Variants in CACNA1G observed in about 807,000 individuals in gnomAD.
The protein encoded by CACNA1G is voltage-dependent T-type calcium channel subunit alpha-1G.
A neutral mutation model predicts 219.4 loss-of-function variants in CACNA1G; 67 were observed. The ratio of observed to expected loss-of-function variants is 0.31; its 90% CI spans 0.25 to 0.37. The LOEUF is 0.37. Ranked by LOEUF, CACNA1G falls within the 10% of genes least tolerant of loss-of-function variation. The pLI is 1.00. For missense variants in CACNA1G, 2,380 were observed against 3,231.4 expected, an observed-to-expected ratio of 0.74 and a Z score of 6.39; for synonymous variants, 1,296 against 1,345.3, an observed-to-expected ratio of 0.96 and a Z score of 0.80.
intron 16 of CACNA1G, among the ~76,000 whole-genome samples, chr17:50,597,308 G>C (rs1442150377): frequency 6.6e-6 from 1 of 152,012 alleles, no homozygotes; most frequent in Non-Finnish European, 1.5e-5. Flanking sequence ...ACACTACTCC[G>C]AAGCATTCTA....
In CACNA1G at chr17:50,610,092, A is replaced by G. The variant is rs1384193494; in HGVS notation, c.4759+157A>G. Among the ~76,000 whole-genome samples, 3 of 152,198 alleles carry G rather than the reference A, an allele frequency of 2.0e-5. No homozygotes were observed. The East Asian group carries it at 5.8e-4, about 29-fold the overall frequency. ...AGCGCTGGGCTCTGCAGCATCCCGC[A>G]GGCCTGCGCCAAACTGGACGGGAGG... On this transcript the variant is annotated intron_variant, in intron 26 of 37. Coordinates refer to ENST00000359106, the MANE Select transcript of CACNA1G (RefSeq NM_018896.5).
Position 50,618,387 on chromosome 17 carries a change from C to A in CACNA1G, c.5427+44C>A. 6.3e-7 allele frequency: 1 copy of A among 1,599,980 alleles called. No homozygotes were observed. The highest frequency in any genetic ancestry group is 8.5e-7 in the Non-Finnish European group (1 of 1,170,414). ...CCTAGGCTCCAGGGAGGCAGCCCCA[C>A]TTCCTGAGCTAGGATTCCTTGGGAA... is the stretch of plus-strand genomic sequence containing the variant. On this transcript the variant is annotated intron_variant, in intron 32 of 37. Transcript: ENST00000359106. This position sits in a 1 kb window ranked among gnomAD's most constrained non-coding sequence, Gnocchi z 5.3.
At position 50,626,383 on chromosome 17, in the gene CACNA1G, C is replaced by T. The variant is rs935847447; in HGVS notation, c.6766C>T (p.Arg2256Cys). Residue 2256 changes from arginine to cysteine, a missense_variant, in exon 38 of 38, where the codon CGC (arginine) becomes TGC (cysteine). Coordinates refer to ENST00000359106, the MANE Select transcript of CACNA1G (RefSeq NM_018896.5). This position sits in a 1 kb window ranked among gnomAD's most constrained non-coding sequence, Gnocchi z 4.3. ...CYSVEAQSCQRRPTSWLDEQR... is the reference protein window; with the variant it reads ...CYSVEAQSCQCRPTSWLDEQR... ...CAGCGTGGAGGCCCAGAGCTGCCAGCGCCGGCCTACGTCCTGGCTGGATGA... is the reference window on the plus strand; with the variant it reads ...CAGCGTGGAGGCCCAGAGCTGCCAGTGCCGGCCTACGTCCTGGCTGGATGA... The T allele has an allele frequency of 3.7e-6, 6 of 1,611,768 alleles. No individual in the cohort carries two copies. Among genetic ancestry groups the T allele is most frequent in the Non-Finnish European group, 5.1e-6 (6 of 1,179,068 alleles).
rs2048292222 is a variant in CACNA1G at position 50,607,967 on chromosome 17, G to A, written c.4653G>A (p.Glu1551=). ...GTCGGCAGCACCAGGAGGAAGAGGA[G>A]GCCCGGCGGCGGGAGGAGAAGCGCC... ...HKCRQHQEEE[E]ARRREEKRLR... The change falls in exon 25 of 38, where the codon GAG becomes GAA. Residue 1551 remains glutamate, a synonymous_variant. Transcript: ENST00000359106. 1.9e-6 allele frequency: 3 copies of A among 1,613,794 alleles called. No homozygotes were observed. The highest frequency in any genetic ancestry group is 1.7e-5 in the Admixed American group (1 of 59,968).
rs1480240145 is a variant in CACNA1G at position 50,603,641 on chromosome 17, A to T, written c.4169+442A>T. Among the ~76,000 whole-genome samples, 1 of 146,620 alleles carries T rather than the reference A, an allele frequency of 6.8e-6. No homozygotes were observed. The highest frequency in any genetic ancestry group is 2.5e-5 in the African/African-American group (1 of 39,506). On this transcript the variant is annotated intron_variant, in intron 21 of 37. Coordinates refer to ENST00000359106, the MANE Select transcript of CACNA1G (RefSeq NM_018896.5). This position sits in a 1 kb window ranked among gnomAD's most constrained non-coding sequence, Gnocchi z 6.4. Reference sequence around the variant, plus strand: ...GCCTGCCAGTGACCACCCCCCGGTGACATTTCTCCTGACCAGGGATCCACC... The same window carrying T: ...GCCTGCCAGTGACCACCCCCCGGTGTCATTTCTCCTGACCAGGGATCCACC...
Position 50,615,355 on chromosome 17 carries a change from C to T in CACNA1G, c.4760-6C>T. 1 of 1,584,906 alleles carries T rather than the reference C, an allele frequency of 6.3e-7. No homozygotes were observed. Among genetic ancestry groups the T allele is most frequent in the South Asian group, 1.1e-5 (1 of 88,098 alleles). ...GCTTGCTCTGCTCTTCCCCCTGCCC[C>T]ATCAGAAGCCCAGTGCAAACCTTAC... On this transcript the variant is annotated splice_polypyrimidine_tract_variant and splice_region_variant and intron_variant, in intron 26 of 37. Coordinates refer to ENST00000359106, the MANE Select transcript of CACNA1G (RefSeq NM_018896.5).
chr17:50,561,588 C>G lies in CACNA1G; in HGVS notation c.129C>G (p.Ser43Arg). 1 of 1,567,818 alleles carries G rather than the reference C, an allele frequency of 6.4e-7. No individual in the cohort carries two copies. The highest frequency in any genetic ancestry group is 8.6e-7 in the Non-Finnish European group (1 of 1,159,216). Reference sequence around the variant, plus strand: ...GGTCAGCAGAAAAGGACCCGGGCAGCGCGGACTCCGAGGCGGAGGGGCTGC... The same window carrying G: ...GGTCAGCAGAAAAGGACCCGGGCAGGGCGGACTCCGAGGCGGAGGGGCTGC... ...GPGSAEKDPG[S>R]ADSEAEGLPY... The change falls in exon 1 of 38, where the codon AGC becomes AGG. Residue 43 changes from serine to arginine, a missense_variant. By Grantham distance (110) the Ser-to-Arg change is moderately radical (BLOSUM62 -1). Transcript: ENST00000359106.
At chr17:50,602,491 A>G (rs1224552839) in intron 19 of CACNA1G, among the ~76,000 whole-genome samples, 3 of 152,266 alleles carry the variant, frequency 2.0e-5, no homozygotes, top group African/African-American at 7.2e-5. Flanking sequence ...CAGTTTTTAA[A>G]AGGAACCAGG....
chr17:50,594,292 A>T (rs1183420209), intron 13 of CACNA1G, among the ~76,000 whole-genome samples: 1 of 152,222 alleles, frequency 6.6e-6, no homozygotes, highest in Non-Finnish European at 1.5e-5. Flanking sequence ...CCATTAATTG[A>T]TACTAAATAA....
At position 50,568,749 on chromosome 17, in the gene CACNA1G, G is replaced by A; in HGVS notation, c.243-121G>A. The stretch of plus-strand genomic sequence containing the variant: ...GGTCTGCGTGTATGTCAGGGCCCTG[G>A]CACCACACCTGCTTAGCCTCAGATG... On this transcript the variant is annotated intron_variant, in intron 1 of 37. Transcript: ENST00000359106. 4 of 761,346 alleles carry A rather than the reference G, an allele frequency of 5.3e-6. No homozygotes were observed. The South Asian group carries it at 5.9e-5, about 11-fold the overall frequency. 47.2% of individuals were successfully genotyped at this position (761,346 alleles called of 1,614,324 possible).
chr17:50,572,707 G>T lies in CACNA1G; in HGVS notation c.900G>T (p.Leu300=). The T allele has an allele frequency of 6.2e-7, 1 of 1,613,738 alleles. No individual in the cohort carries two copies. The highest frequency in any genetic ancestry group is 1.1e-5 in the South Asian group (1 of 91,040). ...GGGGCGGTGGCCCACCTTGCGGTCT[G>T]GACTATGAGGCCTACAACAGCTCCA... is the stretch of plus-strand genomic sequence containing the variant. ...GDGGGGPPCG[L]DYEAYNSSSN... The change falls in exon 6 of 38, where the codon CTG becomes CTT. Residue 300 remains leucine, a synonymous_variant. Transcript: ENST00000359106.
chr17:50,604,962 C>T (rs2047641438), intron 22 of CACNA1G, among the ~76,000 whole-genome samples: 1 of 151,870 alleles, frequency 6.6e-6, no homozygotes, highest in African/African-American at 2.4e-5. Context: ...GCCCCTCGTT[C>T]CCTTGGCTTC....
intron 7 of CACNA1G, chr17:50,573,585 G>A (rs893197158): frequency 6.5e-6 from 1 of 153,468 alleles, no homozygotes; most frequent in East Asian, 1.9e-4. Flanking sequence ...TAAGGACAAG[G>A]GGAGTGCAAT....
intron 26 of CACNA1G, among the ~76,000 whole-genome samples, chr17:50,611,114 C>G (rs530396110): frequency 6.6e-6 from 1 of 151,892 alleles, no homozygotes; most frequent in Non-Finnish European, 1.5e-5. Context: ...ATTAGCCGGG[C>G]GTGGTGGCAT....
rs867961574 is a variant in CACNA1G, at chr17:50,565,390, G to T, written c.243-3480G>T. ...GAAATAGGCTTGTGGGGTGGGGCGG[G>T]GGGTTCTGCTGGGGGAATCCCCCTT... On this transcript the variant is annotated intron_variant, in intron 1 of 37. Coordinates refer to ENST00000359106, the MANE Select transcript of CACNA1G (RefSeq NM_018896.5). 7.5e-3 allele frequency among the ~76,000 whole-genome samples: 1,072 copies of T among 142,996 alleles called. 28 individuals carry two copies. The highest frequency in any genetic ancestry group is 0.024 in the African/African-American group (954 of 39,824). 93.8% of individuals were successfully genotyped at this position (142,996 alleles called of 152,430 possible). A position where few individuals can be genotyped will look rare whatever the true frequency, so the allele number is the denominator to read the frequency against.
At position 50,596,812 on chromosome 17, in the gene CACNA1G, G is replaced by A. The variant is rs373118271; in HGVS notation, c.3147G>A (p.Ser1049=). The change falls in exon 16 of 38, where the codon TCG becomes TCA. Residue 1049 remains serine, a synonymous_variant. Transcript: ENST00000359106. This position sits in a 1 kb window ranked among gnomAD's most constrained non-coding sequence, Gnocchi z 4.8. ...TCCACACGGCCGCCACACCCATGTC[G>A]CTGCCCAAGAGCACCAGCACGGGCC... is the stretch of plus-strand genomic sequence containing the variant. ...LIIHTAATPM[S]LPKSTSTGLG... The A allele has an allele frequency of 1.6e-5, 26 of 1,610,714 alleles. No individual in the cohort carries two copies. Among genetic ancestry groups the A allele is most frequent in the Non-Finnish European group, 2.2e-5 (26 of 1,179,406 alleles).
chr17:50,624,193 AG>A lies in CACNA1G; in HGVS notation c.6229+122del. 4 of 1,351,302 alleles carry A rather than the reference AG, an allele frequency of 3.0e-6. No homozygotes were observed. The South Asian group carries it at 5.4e-5, about 18-fold the overall frequency. The allele number at this position is 1,351,302 out of a possible 1,614,324, so 83.7% of individuals were successfully genotyped here. On this transcript the variant is annotated intron_variant, in intron 36 of 37. Transcript: ENST00000359106. Reference sequence around the variant, plus strand: ...CAGCCAAAGAGGTATCTCTGACCTCAGGGGAGCCTCCAGCCTGGGGGAATGG... The same window carrying A: ...CAGCCAAAGAGGTATCTCTGACCTCAGGGAGCCTCCAGCCTGGGGGAATGG...
In CACNA1G at chr17:50,571,711, A is replaced by T. The variant is rs937293129; in HGVS notation, c.587-167A>T. On this transcript the variant is annotated intron_variant, in intron 4 of 37. Transcript: ENST00000359106. This position sits in a 1 kb window ranked among gnomAD's most constrained non-coding sequence, Gnocchi z 4.3. ...AGTGGGTCGGGGCAAGGGGCTGCAG[A>T]GGCTATCTGGGGAGTCAGAGGTGTC... Among the ~76,000 whole-genome samples the T allele has an allele frequency of 6.6e-6, 1 of 152,102 alleles. No individual in the cohort carries two copies. The highest frequency in any genetic ancestry group is 1.5e-5 in the Non-Finnish European group (1 of 67,988).
Position 50,596,411 on chromosome 17 carries a change from G to T in CACNA1G, c.2980-151G>T. ...GAAGCCTCGGGCCCCAAGCCTGGGG[G>T]GTCTGGCCTGCGCCGTGCATGTCTC... On this transcript the variant is annotated intron_variant, in intron 14 of 37. Transcript: ENST00000359106. This position sits in a 1 kb window ranked among gnomAD's most constrained non-coding sequence, Gnocchi z 4.8. 1 of 664,890 alleles carries T rather than the reference G, an allele frequency of 1.5e-6. No homozygotes were observed. The highest frequency in any genetic ancestry group is 2.7e-6 in the Non-Finnish European group (1 of 373,250). The allele number at this position is 664,890 out of a possible 1,614,324, so 41.2% of individuals were successfully genotyped here.
Sources: allele counts gnomAD v4.1 joint callset (sites outside exome capture counted in the v4.1 genomes callset), GRCh38; gene constraint gnomAD v4.1.1; non-coding constraint Gnocchi (gnomAD v3.1); transcripts MANE v1.5; gene names NCBI Gene and HGNC (gene_info 2026-07-23, HGNC 2026-07-21).